Variants in EGFR observed in about 807,000 individuals in gnomAD.
The protein encoded by EGFR is epidermal growth factor receptor, also known as avian erythroblastic leukemia viral (v-erb-b) oncogene homolog.
In EGFR, 58 loss-of-function variants were observed where a neutral mutation model predicts 143.0. The ratio of observed to expected loss-of-function variants is 0.41; its 90% confidence interval spans 0.33 to 0.50. The LOEUF is 0.50. Among genes scored for constraint, EGFR ranks in the 20% least tolerant of loss-of-function variants. The probability of loss-of-function intolerance (pLI) is 0.39; values close to 1 mark genes in which losing one functional copy is unlikely to be tolerated. For synonymous variants in EGFR, 613 were observed against 594.4 expected, an observed-to-expected ratio of 1.03 and a Z score of -0.45; for missense variants, 1,307 against 1,579.0, an observed-to-expected ratio of 0.83 and a Z score of 2.92.
At chr7:55,050,463 G>A (rs560538169) in intron 1 of EGFR, among the ~76,000 whole-genome samples, 5 of 152,324 alleles carry the variant, frequency 3.3e-5, no homozygotes, top group African/African-American at 1.2e-4. Flanking sequence ...TTTTGTACGT[G>A]TGGACCACAT....
chr7:55,103,881 C>T (rs1349867065), intron 1 of EGFR, among the ~76,000 whole-genome samples: 1 of 152,200 alleles, frequency 6.6e-6, no homozygotes, highest in Admixed American at 6.5e-5. Flanking sequence ...GCATAGAAGG[C>T]TCACATCTTT....
chr7:55,033,782 G>T (rs555909073), intron 1 of EGFR, among the ~76,000 whole-genome samples: 1 of 152,190 alleles, frequency 6.6e-6, no homozygotes, highest in African/African-American at 2.4e-5. Context: ...GGGACTCTCA[G>T]GTGACATCCC....
rs772071414 is a variant in EGFR, at chr7:55,146,728, C to G, written c.547C>G (p.His183Asp). ...CAACATGTCGATGGACTTCCAGAAC[C>G]ACCTGGGCAGCTGTAAGTGTCGCAT... Reference protein sequence around the residue: ...LSNMSMDFQNHLGSCQKCDPS... With the variant: ...LSNMSMDFQNDLGSCQKCDPS... Residue 183 changes from histidine to aspartate, a missense_variant, in exon 4 of 28, where the codon CAC becomes GAC. Physicochemically the swap from His to Asp is moderately conservative, Grantham distance 81. Coordinates refer to ENST00000275493, the MANE Select transcript of EGFR (RefSeq NM_005228.5). 1 of 1,614,196 alleles carries G rather than the reference C, an allele frequency of 6.2e-7. No homozygotes were observed. Among genetic ancestry groups the G allele is most frequent in the Non-Finnish European group, 8.5e-7 (1 of 1,180,042 alleles).
In EGFR at chr7:55,208,662, G is replaced by A. The variant is rs1412948426; in HGVS notation, c.*3045G>A. 1 of 152,150 alleles carries A rather than the reference G, an allele frequency of 6.6e-6. No homozygotes were observed. Among genetic ancestry groups the A allele is most frequent in the East Asian group, 1.9e-4 (1 of 5,172 alleles). 9.4% of individuals were successfully genotyped at this position (152,150 alleles called of 1,614,324 possible). On this transcript the variant is annotated 3_prime_UTR_variant, in exon 28 of 28. Coordinates refer to ENST00000275493, the MANE Select transcript of EGFR (RefSeq NM_005228.5). Reference sequence around the variant, plus strand: ...CGCTGTGAGTCCAGGTTGTAAGGGGGAGCACTGTGGATGCATCCTATTGCA... The same window carrying A: ...CGCTGTGAGTCCAGGTTGTAAGGGGAAGCACTGTGGATGCATCCTATTGCA...
intron 1 of EGFR, among the ~76,000 whole-genome samples, chr7:55,136,602 C>G (rs1794157303): frequency 6.6e-6 from 1 of 152,220 alleles, no homozygotes; most frequent in Non-Finnish European, 1.5e-5. Context: ...TACAGACACT[C>G]CCCAGCTTAC....
At chr7:55,165,636 G>A (rs1407421681) in intron 15 of EGFR, among the ~76,000 whole-genome samples, 199 bp downstream of exon 15, 1 of 152,192 alleles carries the variant, frequency 6.6e-6, no homozygotes, top group Non-Finnish European at 1.5e-5. Context: ...ACTCTGCCAT[G>A]CACCGTGTCC....
rs1785216035 is a variant in EGFR at position 55,152,638 on chromosome 7, A to G, written c.721A>G (p.Thr241Ala). The change falls in exon 6 of 28, where the codon ACA (threonine) becomes GCA (alanine). Residue 241 changes from threonine to alanine, a missense_variant. Around this residue, in one of 7 missense-constraint regions of EGFR, gnomAD observed 311 missense variants for 412.3 expected, o/e 0.75. Coordinates refer to ENST00000275493, the MANE Select transcript of EGFR (RefSeq NM_005228.5). Reference protein sequence around the residue: ...CCHNQCAAGCTGPRESDCLVC... With the variant: ...CCHNQCAAGCAGPRESDCLVC... ...CCACAACCAGTGTGCTGCAGGCTGC[A>G]CAGGCCCCCGGGAGAGCGACTGCCT... 5 of 1,613,666 alleles carry G rather than the reference A, an allele frequency of 3.1e-6. No individual in the cohort carries two copies. Among genetic ancestry groups the G allele is most frequent in the Non-Finnish European group, 2.5e-6 (3 of 1,180,024 alleles).
chr7:55,156,132 C>G (rs886374372), intron 8 of EGFR, among the ~76,000 whole-genome samples, 186 bp downstream of exon 8: 1 of 152,182 alleles, frequency 6.6e-6, no homozygotes, highest in African/African-American at 2.4e-5. Context: ...AAGGTTGTGA[C>G]GGGGTGGGGG....
intron 1 of EGFR, among the ~76,000 whole-genome samples, chr7:55,063,443 G>A (rs918629044): frequency 6.6e-6 from 1 of 152,198 alleles, no homozygotes; most frequent in Middle Eastern, 3.2e-3. Flanking sequence ...GGGTTAGTGT[G>A]TGTGTTTAAG....
Position 55,178,382 on chromosome 7 carries a change from C to T in EGFR, c.2284-2911C>T, listed in dbSNP as rs548510338. Among the ~76,000 whole-genome samples, 5 of 152,322 alleles carry T rather than the reference C, an allele frequency of 3.3e-5. No individual in the cohort carries two copies. The South Asian group carries it at 8.3e-4, about 25-fold the overall frequency. On this transcript the variant is annotated intron_variant, in intron 19 of 27. Coordinates refer to ENST00000275493, the MANE Select transcript of EGFR (RefSeq NM_005228.5). Reference sequence around the variant, plus strand: ...AACGCAAAACAGATTTCTAGGTGTACTGTGTGTGTGTCTCCCACGTCTAAA... The same window carrying T: ...AACGCAAAACAGATTTCTAGGTGTATTGTGTGTGTGTCTCCCACGTCTAAA...
At position 55,104,755 on chromosome 7, in the gene EGFR, G is replaced by T. The variant is rs181177491; in HGVS notation, c.89-37531G>T. Among the ~76,000 whole-genome samples, 8 of 152,262 alleles carry T rather than the reference G, an allele frequency of 5.3e-5. No individual in the cohort carries two copies. In the East Asian group the frequency reaches 1.5e-3, roughly 29 times the overall value. ...GCTAGGCTGCCTCAGTAACTCTGAG[G>T]GGCATTGACTCTTTTCATCCAAAAA... On this transcript the variant is annotated intron_variant, in intron 1 of 27. Transcript: ENST00000275493.
At chr7:55,149,058 C>T (rs577059414) in intron 4 of EGFR, among the ~76,000 whole-genome samples, 1 of 151,874 alleles carries the variant, frequency 6.6e-6, no homozygotes, top group Admixed American at 6.5e-5. Context: ...ATATTAAATA[C>T]ATATAATAAA....
intron 1 of EGFR, among the ~76,000 whole-genome samples, chr7:55,036,777 A>G (rs1317142641): frequency 1.3e-5 from 2 of 152,354 alleles, no homozygotes; most frequent in Admixed American, 1.3e-4. Flanking sequence ...GAAATACTGT[A>G]GCGACAAAGT....
chr7:55,146,616 T>C lies in EGFR; in HGVS notation c.435T>C (p.His145=), dbSNP rs1562756901. The change falls in exon 4 of 28, where the codon CAT becomes CAC. Residue 145 remains histidine, a synonymous_variant. Transcript: ENST00000275493. ...LPMRNLQEIL[H]GAVRFSNNPA... is the part of the protein sequence containing the mutation. ...TCCATTCTCCCGCAGAAATCCTGCA[T>C]GGCGCCGTGCGGTTCAGCAACAACC... 1.2e-6 allele frequency: 2 copies of C among 1,614,138 alleles called. No individual in the cohort carries two copies. Among genetic ancestry groups the C allele is most frequent in the Non-Finnish European group, 8.5e-7 (1 of 1,180,028 alleles).
In EGFR at chr7:55,198,843, T is replaced by A. The variant is rs1375457410; in HGVS notation, c.2828T>A (p.Val943Asp). ...LPQPPICTID[V>D]YMIMVKCWMI... The stretch of plus-strand genomic sequence containing the variant: ...CAGCCACCCATATGTACCATCGATG[T>A]CTACATGATCATGGTCAAGTGTGAG... The change falls in exon 23 of 28, where the codon GTC (valine) becomes GAC (aspartate). Residue 943 changes from valine (V) to aspartate (D), a missense_variant. Physicochemically the swap from Val to Asp is radical, Grantham distance 152. This residue lies in a region of EGFR where 348 missense variants were observed against 451.5 expected (regional missense o/e 0.77). Transcript: ENST00000275493. 1 of 1,614,104 alleles carries A rather than the reference T, an allele frequency of 6.2e-7. No individual in the cohort carries two copies. The highest frequency in any genetic ancestry group is 8.5e-7 in the Non-Finnish European group (1 of 1,180,040).
chr7:55,111,588 A>G (rs1197959487), intron 1 of EGFR, among the ~76,000 whole-genome samples: 1 of 152,212 alleles, frequency 6.6e-6, no homozygotes, highest in Non-Finnish European at 1.5e-5. Flanking sequence ...ATAAAATCCT[A>G]TAGAAATGAA....
At chr7:55,116,138 G>A (rs1371325925) in intron 1 of EGFR, among the ~76,000 whole-genome samples, 1 of 152,190 alleles carries the variant, frequency 6.6e-6, no homozygotes, top group Non-Finnish European at 1.5e-5. Context: ...CCTAGGAAAA[G>A]AAAGGCTTGA....
intron 1 of EGFR, among the ~76,000 whole-genome samples, chr7:55,029,490 C>T (rs990063459): frequency 6.6e-6 from 1 of 151,900 alleles, no homozygotes; most frequent in African/African-American, 2.4e-5. Context: ...TTAGCCTTCA[C>T]AGAGAAAGAA....
Position 55,115,466 on chromosome 7 carries a change from T to C in EGFR, c.89-26820T>C, listed in dbSNP as rs113904063. Among the ~76,000 whole-genome samples the C allele has an allele frequency of 1.3e-3, 195 of 152,372 alleles. 1 individual carries two copies. Among genetic ancestry groups the C allele is most frequent in the African/African-American group, 4.5e-3 (187 of 41,582 alleles). Reference sequence around the variant, plus strand: ...GTTTTAACATATATTTATTGTCCTCTACTGGATTTAAGAAGTTATATTTAT... The same window carrying C: ...GTTTTAACATATATTTATTGTCCTCCACTGGATTTAAGAAGTTATATTTAT... On this transcript the variant is annotated intron_variant, in intron 1 of 27. Coordinates refer to ENST00000275493, the MANE Select transcript of EGFR (RefSeq NM_005228.5).
Sources: gnomAD v4.1 joint callset for allele counts (sites outside exome capture counted in the v4.1 genomes callset) on GRCh38, gnomAD v4.1.1 for gene constraint, gnomAD v4.1.1 regional missense constraint, MANE v1.5 for transcripts, NCBI Gene and HGNC (gene_info 2026-07-23, HGNC 2026-07-21) for gene names.